Variants in B9D1 observed in about 807,000 individuals in gnomAD.
B9D1 encodes the protein B9 domain-containing protein 1.
B9D1 carries 20 observed loss-of-function variants against 26.1 expected under a neutral mutation model. That is an observed-to-expected ratio of 0.77 (90% CI 0.54 to 1.12). The LOEUF is 1.12. Ranked by LOEUF, B9D1 falls within the 50% of genes most tolerant of loss-of-function variation. The pLI, the probability that B9D1 is intolerant of heterozygous loss-of-function variation, is 0.00. For missense variants in B9D1, 260 were observed against 273.7 expected (o/e 0.95, Z 0.35); for synonymous variants, 105 against 103.1 (o/e 1.02, Z -0.11).
At chr17:19,341,985 C>T (rs1272549916), downstream of B9D1, among the ~76,000 whole-genome samples, 1 of 152,110 alleles carries the variant, frequency 6.6e-6, no homozygotes, top group Non-Finnish European at 1.5e-5. Context: ...GGAGGGATGC[C>T]TCAATCCAGA....
intron 3 of B9D1, among the ~76,000 whole-genome samples, chr17:19,349,694 T>C (rs1391034485): frequency 6.6e-6 from 1 of 152,166 alleles, no homozygotes; most frequent in Admixed American, 6.6e-5. Flanking sequence ...GCCTTTTTCT[T>C]ATTGATTTAT....
rs1321810283 is a variant in B9D1, at chr17:19,347,054, G to T, written c.404+215C>A. On this transcript the variant is annotated intron_variant, in intron 5 of 6. Transcript: ENST00000261499. This position sits in a 1 kb window ranked among gnomAD's most constrained non-coding sequence, Gnocchi z 4.3. ...CTCAGACACAAAGATTTTTCACAGG[G>T]CACAGGGTAAAATCGCCCGGCCTTC... 1 of 1,549,562 alleles carries T rather than the reference G, an allele frequency of 6.5e-7. No homozygotes were observed. The highest frequency in any genetic ancestry group is 1.2e-5 in the South Asian group (1 of 84,086).
downstream of B9D1, among the ~76,000 whole-genome samples, chr17:19,338,211 T>A (rs1907616507): frequency 6.6e-6 from 1 of 152,242 alleles, no homozygotes; most frequent in Non-Finnish European, 1.5e-5. Context: ...TGCTGGAAGC[T>A]GCCGCACAGA....
chr17:19,340,455 C>G (rs62065894), downstream of B9D1, among the ~76,000 whole-genome samples: 151,220 of 151,220 alleles, frequency 1, 75,610 homozygotes, highest in Non-Finnish European at 1. Flanking sequence ...TTACAGGCGT[C>G]AGCACCATGT....
intron 1 of B9D1, among the ~76,000 whole-genome samples, chr17:19,376,687 A>G (rs1261796572): frequency 1.3e-5 from 2 of 148,560 alleles, no homozygotes; most frequent in African/African-American, 5.0e-5. Flanking sequence ...GATCCCAGCT[A>G]TTCGGGAGGC....
At chr17:19,371,041 T>G (rs919442793) in intron 1 of B9D1, among the ~76,000 whole-genome samples, 1 of 152,336 alleles carries the variant, frequency 6.6e-6, no homozygotes, top group Non-Finnish European at 1.5e-5. Context: ...AGCCCCTGCA[T>G]GTAAGGCACT....
chr17:19,344,606 G>T (rs552854747), intron 5 of B9D1: 1 of 209,478 alleles, frequency 4.8e-6, no homozygotes. Flanking sequence ...ACTCGCGGCC[G>T]CGCCTCCTCT....
chr17:19,352,483 GGA>G (rs1249802111), intron 3 of B9D1, among the ~76,000 whole-genome samples: 1 of 150,058 alleles, frequency 6.7e-6, no homozygotes. Flanking sequence ...CCATTAGCTG[GGA>G]TTATAGGCAC....
chr17:19,346,396 G>A (rs1908788110), intron 5 of B9D1, among the ~76,000 whole-genome samples: 1 of 152,232 alleles, frequency 6.6e-6, no homozygotes, highest in South Asian at 2.1e-4. Flanking sequence ...GCTCTGGCCT[G>A]GTCTCACGCC....
At chr17:19,356,139 TG>T (rs1910318311) in intron 3 of B9D1, among the ~76,000 whole-genome samples, 1 of 152,156 alleles carries the variant, frequency 6.6e-6, no homozygotes, top group Non-Finnish European at 1.5e-5. Flanking sequence ...TCACCCAGGC[TG>T]GAGTGCAGTG....
chr17:19,374,647 A>G (rs891681414), intron 1 of B9D1, among the ~76,000 whole-genome samples: 12 of 152,204 alleles, frequency 7.9e-5, no homozygotes, highest in Admixed American at 7.2e-4. Flanking sequence ...CTAAATGTCT[A>G]TCTAGGGGGT....
chr17:19,343,131 G>T (rs140933644), downstream of B9D1: 987 of 1,430,658 alleles, frequency 6.9e-4, 7 homozygotes, highest in African/African-American at 0.012. Context: ...CAGCTCCTGT[G>T]GGGGAGGGGC....
intron 1 of B9D1, among the ~76,000 whole-genome samples, chr17:19,371,802 G>C (rs1335998787): frequency 6.6e-6 from 1 of 152,218 alleles, no homozygotes. Flanking sequence ...GGGTCCTGCA[G>C]AAAGACAACT....
rs997980384 is a variant in B9D1, at chr17:19,347,834, G to A, written c.291C>T (p.Asn97=). 1.2e-5 allele frequency: 19 copies of A among 1,613,958 alleles called. No individual in the cohort carries two copies. Among genetic ancestry groups the A allele is most frequent in the Admixed American group, 5.0e-5 (3 of 60,002 alleles). Residue 97 remains asparagine, a synonymous_variant, in exon 4 of 7, where the codon AAC becomes AAT. Coordinates refer to ENST00000261499, the MANE Select transcript of B9D1 (RefSeq NM_015681.6). This position sits in a 1 kb window ranked among gnomAD's most constrained non-coding sequence, Gnocchi z 4.3. ...CGGCCCCATAGCCTCGAACCACATC[G>A]TTCCCGAACACATCTGGTCCATACA... ...LSVYGPDVFG[N]DVVRGYGAVH...
chr17:19,352,143 C>T (rs1242846094), intron 3 of B9D1, among the ~76,000 whole-genome samples: 1 of 152,154 alleles, frequency 6.6e-6, no homozygotes, highest in Non-Finnish European at 1.5e-5. Flanking sequence ...GCCTCAGCCT[C>T]CCAAAGTGTT....
At chr17:19,349,129 T>C (rs1909256422) in intron 3 of B9D1, among the ~76,000 whole-genome samples, 1 of 152,216 alleles carries the variant, frequency 6.6e-6, no homozygotes. Flanking sequence ...AGCAGTGGTA[T>C]CTGATTCCTG....
upstream of B9D1, among the ~76,000 whole-genome samples, chr17:19,366,391 C>T (rs1242466123): frequency 2.0e-5 from 3 of 152,120 alleles, no homozygotes; most frequent in East Asian, 5.8e-4. Flanking sequence ...TGCTCTGCCC[C>T]GTCTCAGGTA....
intron 5 of B9D1, among the ~76,000 whole-genome samples, chr17:19,345,252 C>T (rs543701167): frequency 2.0e-5 from 3 of 152,126 alleles, no homozygotes; most frequent in Non-Finnish European, 4.4e-5. Context: ...AGGCAGGGCC[C>T]GACCACCGGC....
At chr17:19,348,510 A>G (rs1246641179) in intron 3 of B9D1, among the ~76,000 whole-genome samples, 1 of 152,162 alleles carries the variant, frequency 6.6e-6, no homozygotes, top group Admixed American at 6.5e-5. Context: ...CGACTGAGGC[A>G]AGTTAGCCAA....
Sources: allele counts gnomAD v4.1 joint callset (sites outside exome capture counted in the v4.1 genomes callset), GRCh38; gene constraint gnomAD v4.1.1; non-coding constraint Gnocchi (gnomAD v3.1); transcripts MANE v1.5; gene names NCBI Gene and HGNC (gene_info 2026-07-23, HGNC 2026-07-21).